STK11: variants seen among roughly 807,000 people sequenced by gnomAD.
The protein encoded by STK11 is serine/threonine-protein kinase STK11.
In STK11, 8 loss-of-function variants were observed where a neutral mutation model predicts 47.3. The observed-to-expected ratio is 0.17, with a 90% CI of 0.10 to 0.31. STK11 has a LOEUF of 0.31. Among genes scored for constraint, STK11 ranks in the 10% least tolerant of loss-of-function variants. STK11 has a pLI of 1.00. For missense variants in STK11, 475 were observed against 605.0 expected, an observed-to-expected ratio of 0.79 and a Z score of 2.25; for synonymous variants, 330 against 255.8, an observed-to-expected ratio of 1.29 and a Z score of -2.77.
intron 1 of STK11, among the ~76,000 whole-genome samples, chr19:1,214,503 C>T (rs1364970451): frequency 6.6e-6 from 1 of 152,162 alleles, no homozygotes; most frequent in Non-Finnish European, 1.5e-5. Context: ...CCTCCTGTGC[C>T]CGTTTCCCCA....
rs2080819357 is a variant in STK11 at position 1,226,207 on chromosome 19, GGTGCAA to G, written c.1109-246_1109-241del. On this transcript the variant is annotated intron_variant, in intron 8 of 9. Coordinates refer to ENST00000326873, the MANE Select transcript of STK11 (RefSeq NM_000455.5). ...TGGGGTCCCACCTGCGGCCATGGCA[GGTGCAA>G]CAGACGTGGTGGAGGGGACACTCCT... 25 of 1,355,814 alleles carry G rather than the reference GGTGCAA, an allele frequency of 1.8e-5. No homozygotes were observed. In the South Asian group the frequency reaches 4.5e-4, roughly 24 times the overall value. 84.0% of individuals were successfully genotyped at this position (1,355,814 alleles called of 1,614,324 possible).
In STK11 at chr19:1,218,477, A is replaced by T. The variant is rs2080758837; in HGVS notation, c.351A>T (p.Leu117Phe). ...ATGTCATCCAGCTGGTGGATGTGTTATACAACGAAGAGAAGCAGAAAATAT... is the reference window on the plus strand; with the variant it reads ...ATGTCATCCAGCTGGTGGATGTGTTTTACAACGAAGAGAAGCAGAAAATAT... ...HKNVIQLVDVLYNEEKQKMYM... is the reference protein window; with the variant it reads ...HKNVIQLVDVFYNEEKQKMYM... The change falls in exon 2 of 10, where the codon TTA (leucine) becomes TTT (phenylalanine). Residue 117 changes from leucine (L) to phenylalanine (F), a missense_variant. Leu to Phe is a conservative substitution (Grantham distance 22). Around this residue, in one of 5 missense-constraint regions of STK11, gnomAD observed 46 missense variants for 45.5 expected, o/e 1.01. Coordinates refer to ENST00000326873, the MANE Select transcript of STK11 (RefSeq NM_000455.5). 1 of 1,613,636 alleles carries T rather than the reference A, an allele frequency of 6.2e-7. No homozygotes were observed. The highest frequency in any genetic ancestry group is 8.5e-7 in the Non-Finnish European group (1 of 1,179,800).
At chr19:1,227,459 G>A in intron 9 of STK11, 134 bp from the exon 10 acceptor site, 5 of 980,164 alleles carry the variant, frequency 5.1e-6, no homozygotes, top group Non-Finnish European at 6.2e-6. Context: ...GGCCTTCCCT[G>A]GCCTCCCCTG....
chr19:1,221,711 G>T (rs373645080), intron 6 of STK11: 3 of 602,130 alleles, frequency 5.0e-6, no homozygotes, highest in East Asian at 5.6e-5. Context: ...TTGGGAGAAC[G>T]GAACCGCCCT....
chr19:1,222,128 C>T lies in STK11; in HGVS notation c.920+122C>T, dbSNP rs1599928485. The T allele has an allele frequency of 6.8e-6, 8 of 1,168,020 alleles. 1 individual carries two copies. The East Asian group carries it at 1.3e-4, about 19-fold the overall frequency. The allele number at this position is 1,168,020 out of a possible 1,614,324, so 72.4% of individuals were successfully genotyped here. A position where few individuals can be genotyped will look rare whatever the true frequency, so the allele number is the denominator to read the frequency against. On this transcript the variant is annotated intron_variant, in intron 7 of 9. Coordinates refer to ENST00000326873, the MANE Select transcript of STK11 (RefSeq NM_000455.5). The stretch of plus-strand genomic sequence containing the variant: ...TGCCAGGCTGGGCTGGGGCCAGACC[C>T]CGTGCAGCGCCCGCAGTTCTCGGGG...
chr19:1,220,749 C>A (rs756786992), intron 5 of STK11, 32 bp downstream of exon 5: 1 of 1,588,812 alleles, frequency 6.3e-7, no homozygotes, highest in Non-Finnish European at 8.6e-7. Flanking sequence ...GCACTCACCA[C>A]ACGCACACTC....
At chr19:1,211,695 G>A (rs1299069504) in intron 1 of STK11, among the ~76,000 whole-genome samples, 2 of 152,246 alleles carry the variant, frequency 1.3e-5, no homozygotes, top group Admixed American at 6.5e-5. Flanking sequence ...TTGGAAATGT[G>A]AAAATCACTG....
chr19:1,212,135 C>A (rs1423176199), intron 1 of STK11, among the ~76,000 whole-genome samples: 4 of 152,038 alleles, frequency 2.6e-5, no homozygotes, highest in Non-Finnish European at 4.4e-5. Context: ...CCAGCTGGGG[C>A]AGGCCTGGAA....
At position 1,226,627 on chromosome 19, in the gene STK11, T is replaced by A. The variant is rs1064793938; in HGVS notation, c.1282T>A (p.Ser428Thr). 5 of 1,543,778 alleles carry A rather than the reference T, an allele frequency of 3.2e-6. No homozygotes were observed. The highest frequency in any genetic ancestry group is 4.4e-6 in the Non-Finnish European group (5 of 1,145,360). The change falls in exon 9 of 10, where the codon TCG becomes ACG. Residue 428 changes from serine to threonine, a missense_variant. By Grantham distance (58) the Ser-to-Thr change is moderately conservative (BLOSUM62 1). This residue lies in a region of STK11 where 219 missense variants were observed against 189.2 expected (regional missense o/e 1.16). Transcript: ENST00000326873. ...CGCCAGCAGCAAGATCCGCCGGCTG[T>A]CGGCCTGCAAGCAGCAGTGAGGCTG... is the stretch of plus-strand genomic sequence containing the variant. ...CSASSKIRRL[S>T]ACKQQ
chr19:1,220,831 C>T (rs2145425930), intron 5 of STK11, 114 bp downstream of exon 5: 1 of 1,440,986 alleles, frequency 6.9e-7, no homozygotes, highest in Non-Finnish European at 9.3e-7. Flanking sequence ...CAGACCCTCT[C>T]TGGCCACAGC....
Position 1,206,639 on chromosome 19 carries a change from C to T in STK11, c.-275C>T, listed in dbSNP as rs2080667144. 1 of 516,292 alleles carries T rather than the reference C, an allele frequency of 1.9e-6. No individual in the cohort carries two copies. The highest frequency in any genetic ancestry group is 1.9e-5 in the African/African-American group (1 of 52,078). The allele number at this position is 516,292 out of a possible 1,614,324, so 32.0% of individuals were successfully genotyped here. A position where few individuals can be genotyped will look rare whatever the true frequency, so the allele number is the denominator to read the frequency against. On this transcript the variant is annotated 5_prime_UTR_variant, in exon 1 of 10. Coordinates refer to ENST00000326873, the MANE Select transcript of STK11 (RefSeq NM_000455.5). ...CGTCTCCCAGTTCTGAGGCCCGGGT[C>T]CCACTGGAACTCGCGTCTGAGCCGC...
rs530299853 is a variant in STK11 at position 1,224,365 on chromosome 19, T to C, written c.1108+1193T>C. 9.1e-6 allele frequency: 9 copies of C among 985,174 alleles called. 1 individual carries two copies. In the Middle Eastern group the frequency reaches 1.6e-3, roughly 172 times the overall value. The allele number at this position is 985,174 out of a possible 1,614,324, so 61.0% of individuals were successfully genotyped here. On this transcript the variant is annotated intron_variant, in intron 8 of 9. Transcript: ENST00000326873. ...TGTTGGAACGGGAGGTGCTGCTGGG[T>C]ACCCTGGTCACTAGGGTGTGCTGGG...
At chr19:1,225,246 T>C (rs1037233225) in intron 8 of STK11, 23 of 985,186 alleles carry the variant, frequency 2.3e-5, no homozygotes, top group Non-Finnish European at 2.8e-5. Flanking sequence ...ATGGGTGCAA[T>C]TGGTGCCTCC....
In STK11 at chr19:1,228,338, T is replaced by G; in HGVS notation, c.*762T>G. ...GAAAAGAAAAACACGAGAAACGCCA[T>G]CGCGGGATGGTGCAGACGCGGCGGG... On this transcript the variant is annotated 3_prime_UTR_variant, in exon 10 of 10. Transcript: ENST00000326873. 4.0e-6 allele frequency: 1 copy of G among 249,098 alleles called. No homozygotes were observed. Among genetic ancestry groups the G allele is most frequent in the Non-Finnish European group, 7.5e-6 (1 of 133,064 alleles). The allele number at this position is 249,098 out of a possible 1,614,324, so 15.4% of individuals were successfully genotyped here.
At chr19:1,220,314 G>T in intron 3 of STK11, 59 bp from the exon 4 acceptor site, 2 of 1,555,970 alleles carry the variant, frequency 1.3e-6, no homozygotes, top group Admixed American at 1.9e-5. Context: ...AGCTGCAAAG[G>T]GGACCCCTGT....
chr19:1,225,991 G>T (rs965287770), intron 8 of STK11: 3 of 1,007,054 alleles, frequency 3.0e-6, no homozygotes, highest in East Asian at 1.1e-4. Context: ...GCGTGGTTCT[G>T]TGCTGGCATT....
At chr19:1,226,239 G>A (rs2080819551) in intron 8 of STK11, 3 of 1,410,482 alleles carry the variant, frequency 2.1e-6, no homozygotes, top group East Asian at 5.3e-5. Context: ...GGACACTCCT[G>A]CCCAGGCCAT....
intron 1 of STK11, among the ~76,000 whole-genome samples, chr19:1,209,714 C>T (rs184164248): frequency 5.3e-5 from 8 of 152,030 alleles, no homozygotes; most frequent in Non-Finnish European, 1.2e-4. Context: ...GAGTGAGCCC[C>T]CTGCTTTCCT....
chr19:1,224,247 C>A, intron 8 of STK11: 1 of 985,372 alleles, frequency 1.0e-6, no homozygotes. Flanking sequence ...GGGGGCCCCC[C>A]AGGAGGGTAC....
Sources: gnomAD v4.1 joint callset for allele counts (sites outside exome capture counted in the v4.1 genomes callset) on GRCh38, gnomAD v4.1.1 for gene constraint, gnomAD v4.1.1 regional missense constraint, MANE v1.5 for transcripts, NCBI Gene and HGNC (gene_info 2026-07-23, HGNC 2026-07-21) for gene names.